SGCZ: variants seen among roughly 807,000 people sequenced by gnomAD.
SGCZ encodes the protein zeta-sarcoglycan.
SGCZ carries 40 observed loss-of-function variants against 41.3 expected under a neutral mutation model. That is an observed-to-expected ratio of 0.97 (90% CI 0.75 to 1.26). SGCZ has a LOEUF of 1.26. SGCZ is among the 50% of genes most tolerant of loss of function. The probability of loss-of-function intolerance (pLI) is 0.00; values close to 1 mark genes in which losing one functional copy is unlikely to be tolerated. For synonymous variants in SGCZ, 206 were observed against 137.5 expected (o/e 1.50, Z -3.49); for missense variants, 552 against 369.8 (o/e 1.49, Z -4.04).
Position 15,079,007 on chromosome 8 carries a change from T to C in SGCZ, c.39+158578A>G, listed in dbSNP as rs1165278589. Among the ~76,000 whole-genome samples the C allele has an allele frequency of 9.2e-5, 14 of 152,270 alleles. No homozygotes were observed. In the East Asian group the frequency reaches 2.3e-3, roughly 25 times the overall value. On this transcript the variant is annotated intron_variant, in intron 1 of 7. Coordinates refer to ENST00000382080, the MANE Select transcript of SGCZ (RefSeq NM_139167.4). ...CACTGCCTGATGTGTGTGTTTCAAA[T>C]TATATCTTTGAGCCTTGGCTTTATA...
chr8:15,090,553 C>T (rs1424692628), intron 1 of SGCZ, among the ~76,000 whole-genome samples: 1 of 152,150 alleles, frequency 6.6e-6, no homozygotes, highest in Non-Finnish European at 1.5e-5. Flanking sequence ...GCAATTCAAA[C>T]ACAAGCATAT....
intron 4 of SGCZ, among the ~76,000 whole-genome samples, chr8:14,209,437 A>G (rs777628024): frequency 2.0e-5 from 3 of 152,110 alleles, no homozygotes; most frequent in Non-Finnish European, 2.9e-5. Flanking sequence ...AACCCTGGGT[A>G]TATACCCCAG....
chr8:14,822,421 T>C (rs1802132593), intron 1 of SGCZ, among the ~76,000 whole-genome samples: 1 of 152,184 alleles, frequency 6.6e-6, no homozygotes, highest in Non-Finnish European at 1.5e-5. Flanking sequence ...CCCAAAGTGA[T>C]CTACAAAGTT....
At chr8:15,192,462 C>A (rs1365600029) in intron 1 of SGCZ, among the ~76,000 whole-genome samples, 1 of 152,142 alleles carries the variant, frequency 6.6e-6, no homozygotes, top group Non-Finnish European at 1.5e-5. Context: ...AGAAACACAT[C>A]AATCCATTTA....
intron 1 of SGCZ, among the ~76,000 whole-genome samples, chr8:14,802,444 G>T (rs1801351860): frequency 6.6e-6 from 1 of 152,198 alleles, no homozygotes; most frequent in South Asian, 2.1e-4. Context: ...TTTAAGCAGT[G>T]ACACTTCATA....
intron 1 of SGCZ, among the ~76,000 whole-genome samples, chr8:15,061,797 C>G (rs74773482): frequency 0.028 from 4,193 of 152,198 alleles, 176 homozygotes; most frequent in African/African-American, 0.094. Flanking sequence ...CATTTATAAA[C>G]TACCCAGTCT....
At chr8:14,252,677 A>AG (rs1318780607) in intron 3 of SGCZ, among the ~76,000 whole-genome samples, 1 of 152,258 alleles carries the variant, frequency 6.6e-6, no homozygotes, top group South Asian at 2.1e-4. Context: ...TATAAAGTCG[A>AG]GGGGGCAGGA....
Position 14,088,856 on chromosome 8 carries a change from C to G in SGCZ, c.*1587G>C, listed in dbSNP as rs992272901. On this transcript the variant is annotated 3_prime_UTR_variant, in exon 8 of 8. Transcript: ENST00000382080. ...CATCTTTTGCAACAAGTTCTAATCTCCCAGTTCACTCTGAGCTGTAGACAC... is the reference window on the plus strand; with the variant it reads ...CATCTTTTGCAACAAGTTCTAATCTGCCAGTTCACTCTGAGCTGTAGACAC... Among the ~76,000 whole-genome samples, 4 of 151,836 alleles carry G rather than the reference C, an allele frequency of 2.6e-5. No individual in the cohort carries two copies. The highest frequency in any genetic ancestry group is 4.4e-5 in the Non-Finnish European group (3 of 67,886).
chr8:14,949,610 G>C (rs1800564906), intron 1 of SGCZ, among the ~76,000 whole-genome samples: 1 of 152,050 alleles, frequency 6.6e-6, no homozygotes, highest in Non-Finnish European at 1.5e-5. Flanking sequence ...ATTTTATTGA[G>C]ACATGGAGAC....
chr8:14,885,088 C>T (rs1804737833), intron 1 of SGCZ, among the ~76,000 whole-genome samples: 1 of 152,178 alleles, frequency 6.6e-6, no homozygotes, highest in Non-Finnish European at 1.5e-5. Flanking sequence ...TTTGCCAAAT[C>T]AGTCACTGAA....
chr8:14,333,879 T>C (rs1245742766), intron 2 of SGCZ, among the ~76,000 whole-genome samples: 1 of 152,134 alleles, frequency 6.6e-6, no homozygotes, highest in African/African-American at 2.4e-5. Flanking sequence ...TAAGGAGTTA[T>C]AAGCTCCTGT....
intron 1 of SGCZ, among the ~76,000 whole-genome samples, chr8:14,685,383 C>T (rs1173756262): frequency 1.3e-5 from 2 of 151,932 alleles, no homozygotes; most frequent in Non-Finnish European, 2.9e-5. Context: ...TATTAAGGCA[C>T]GTTTAAAATA....
chr8:14,609,661 G>A (rs757153578), intron 1 of SGCZ, among the ~76,000 whole-genome samples: 86 of 152,274 alleles, frequency 5.6e-4, no homozygotes, highest in South Asian at 1.9e-3. Context: ...GGGGACCAAG[G>A]GAGAGGGAAG....
chr8:15,206,476 A>G (rs1393757572), intron 1 of SGCZ, among the ~76,000 whole-genome samples: 4 of 139,862 alleles, frequency 2.9e-5, no homozygotes, highest in Non-Finnish European at 4.6e-5. Flanking sequence ...CTTGAGATGG[A>G]GTCTCACTCT....
chr8:15,113,897 T>C (rs1438675860), intron 1 of SGCZ, among the ~76,000 whole-genome samples: 1 of 152,200 alleles, frequency 6.6e-6, no homozygotes, highest in Non-Finnish European at 1.5e-5. Flanking sequence ...TGTTCCATCA[T>C]AGAAAGCACA....
At chr8:14,685,202 G>A (rs535339389) in intron 1 of SGCZ, among the ~76,000 whole-genome samples, 2 of 152,116 alleles carry the variant, frequency 1.3e-5, no homozygotes, top group African/African-American at 4.8e-5. Flanking sequence ...TCATGATGGA[G>A]CAGTTATTTG....
chr8:14,493,384 T>TTTTTTTTTTTTTTTC (rs1801902157), intron 2 of SGCZ, among the ~76,000 whole-genome samples: 1 of 117,932 alleles, frequency 8.5e-6, no homozygotes, highest in African/African-American at 3.4e-5. Context: ...TTTTTTTTTT[T>TTTTTTTTTTTTTTTC]TTTGATGGAG....
chr8:14,131,094 T>C (rs1803027064), intron 5 of SGCZ, among the ~76,000 whole-genome samples: 1 of 152,148 alleles, frequency 6.6e-6, no homozygotes, highest in Admixed American at 6.5e-5. Flanking sequence ...CTTTGATCTT[T>C]TGCCTATCAA....
chr8:14,949,125 G>C (rs573737631), intron 1 of SGCZ, among the ~76,000 whole-genome samples: 164 of 152,116 alleles, frequency 1.1e-3, no homozygotes, highest in Non-Finnish European at 2.0e-3. Context: ...AGAAAATCAA[G>C]AATTAGCCTG....
Sources: allele counts gnomAD v4.1 joint callset (sites outside exome capture counted in the v4.1 genomes callset), GRCh38; gene constraint gnomAD v4.1.1; transcripts MANE v1.5; gene names NCBI Gene and HGNC (gene_info 2026-07-23, HGNC 2026-07-21).